SNTG1: variants seen among roughly 807,000 people sequenced by gnomAD.
The protein encoded by SNTG1 is syntrophin gamma 1.
A neutral mutation model predicts 74.7 loss-of-function variants in SNTG1; 39 were observed. The ratio of observed to expected loss-of-function variants is 0.52; its 90% CI spans 0.40 to 0.68. The LOEUF (loss-of-function observed/expected upper bound fraction) is 0.68. SNTG1 is among the 30% of genes least tolerant of loss of function. SNTG1 has a pLI of 0.00. For missense variants in SNTG1, 685 were observed against 609.5 expected, an observed-to-expected ratio of 1.12 and a Z score of -1.30; for synonymous variants, 254 against 217.1, an observed-to-expected ratio of 1.17 and a Z score of -1.49.
intron 1 of SNTG1, among the ~76,000 whole-genome samples, chr8:50,057,206 A>C (rs542736768): frequency 3.1e-4 from 47 of 152,218 alleles, no homozygotes; most frequent in Admixed American, 7.9e-4. Flanking sequence ...CTAGCCAGAG[A>C]AACAGTCAGT....
At chr8:50,504,830 T>C (rs2093992999) in intron 9 of SNTG1, among the ~76,000 whole-genome samples, 2 of 152,142 alleles carry the variant, frequency 1.3e-5, no homozygotes, top group South Asian at 4.1e-4. Flanking sequence ...AGTGAGCATG[T>C]TATTTATTGT....
chr8:50,579,416 A>C (rs2094595802), intron 12 of SNTG1, among the ~76,000 whole-genome samples: 1 of 152,242 alleles, frequency 6.6e-6, no homozygotes, highest in Non-Finnish European at 1.5e-5. Flanking sequence ...AGTAGGCTGC[A>C]GACATCAGCA....
At chr8:50,293,138 G>A (rs180735857) in intron 2 of SNTG1, among the ~76,000 whole-genome samples, 10,522 of 152,230 alleles carry the variant, frequency 0.069, 408 homozygotes, top group African/African-American at 0.085. Flanking sequence ...GTCTTGTCAC[G>A]TGATTGTCTG....
intron 1 of SNTG1, among the ~76,000 whole-genome samples, chr8:50,031,092 T>C (rs879189444): frequency 2.0e-5 from 3 of 152,100 alleles, no homozygotes; most frequent in Admixed American, 2.0e-4. Context: ...CTCATTGTAA[T>C]ATTATACTTT....
intron 4 of SNTG1, among the ~76,000 whole-genome samples, chr8:50,419,197 C>T (rs935340466): frequency 2.6e-5 from 4 of 151,014 alleles, no homozygotes; most frequent in Non-Finnish European, 4.4e-5. Flanking sequence ...ACCTTTCTTT[C>T]TAGAAAAAAA....
At chr8:50,529,028 T>G (rs906145335) in intron 9 of SNTG1, among the ~76,000 whole-genome samples, 9 of 152,030 alleles carry the variant, frequency 5.9e-5, no homozygotes, top group African/African-American at 2.2e-4. Context: ...GGTGTATGTA[T>G]TTAAACATTT....
chr8:50,579,993 G>T (rs2130812224), intron 12 of SNTG1, among the ~76,000 whole-genome samples: 1 of 152,302 alleles, frequency 6.6e-6, no homozygotes, highest in East Asian at 1.9e-4. Flanking sequence ...GCTGGGAAAA[G>T]GAACAGACAC....
chr8:50,673,576 G>C (rs1204471356), intron 15 of SNTG1, among the ~76,000 whole-genome samples: 1 of 152,034 alleles, frequency 6.6e-6, no homozygotes, highest in Non-Finnish European at 1.5e-5. Flanking sequence ...GAATTTTTTG[G>C]CTGGGATGAT....
chr8:50,045,327 G>A (rs912958075), intron 1 of SNTG1, among the ~76,000 whole-genome samples: 45 of 152,270 alleles, frequency 3.0e-4, no homozygotes, highest in African/African-American at 8.9e-4. Context: ...TACAATCATG[G>A]CAGAAAGTAG....
At chr8:50,324,243 A>G (rs950924413) in intron 2 of SNTG1, among the ~76,000 whole-genome samples, 15 of 152,148 alleles carry the variant, frequency 9.9e-5, no homozygotes, top group African/African-American at 3.6e-4. Context: ...CTGCTGTAGC[A>G]GGGCAGCACT....
At chr8:50,076,759 T>C (rs889123335) in intron 1 of SNTG1, among the ~76,000 whole-genome samples, 8 of 152,160 alleles carry the variant, frequency 5.3e-5, no homozygotes, top group Admixed American at 1.3e-4. Flanking sequence ...AAAATAACTT[T>C]GCAATAATCA....
intron 2 of SNTG1, among the ~76,000 whole-genome samples, chr8:50,331,305 G>T (rs1046453667): frequency 2.0e-5 from 3 of 152,136 alleles, no homozygotes; most frequent in African/African-American, 7.2e-5. Flanking sequence ...AGTGAAGTGT[G>T]TCTAGGACAT....
intron 2 of SNTG1, among the ~76,000 whole-genome samples, chr8:50,216,808 C>T (rs1197300607): frequency 6.6e-6 from 1 of 151,986 alleles, no homozygotes; most frequent in Non-Finnish European, 1.5e-5. Flanking sequence ...AAAAGTGTAA[C>T]TTAGTGAATG....
chr8:50,117,107 A>T (rs902843979), intron 1 of SNTG1, among the ~76,000 whole-genome samples: 1 of 152,002 alleles, frequency 6.6e-6, no homozygotes, highest in Non-Finnish European at 1.5e-5. Context: ...ATAATACTGG[A>T]ACTAACATAT....
chr8:50,565,242 G>A (rs1001689422), intron 12 of SNTG1, among the ~76,000 whole-genome samples: 4 of 151,906 alleles, frequency 2.6e-5, no homozygotes, highest in Non-Finnish European at 4.4e-5. Flanking sequence ...TTGAATAAAT[G>A]TGCATCAGTC....
intron 15 of SNTG1, among the ~76,000 whole-genome samples, chr8:50,661,717 A>G (rs1342020837): frequency 2.0e-5 from 3 of 151,998 alleles, no homozygotes; most frequent in South Asian, 4.1e-4. Flanking sequence ...CAACCTCCCA[A>G]CAGGCCCTGG....
Position 50,105,944 on chromosome 8 carries a change from G to A in SNTG1, c.-102-66617G>A, listed in dbSNP as rs185271346. On this transcript the variant is annotated intron_variant, in intron 1 of 18. Coordinates refer to ENST00000642720, the MANE Select transcript of SNTG1 (RefSeq NM_018967.5). ...GAAGCTTTTGGGTAATTACTGTGGGGTTTTCTAGGTATAGAATCATATCAT... is the reference window on the plus strand; with the variant it reads ...GAAGCTTTTGGGTAATTACTGTGGGATTTTCTAGGTATAGAATCATATCAT... Among the ~76,000 whole-genome samples the A allele has an allele frequency of 2.7e-3, 406 of 152,082 alleles. 5 individuals carry two copies. Among genetic ancestry groups the A allele is most frequent in the Non-Finnish European group, 2.3e-3 (155 of 67,960 alleles).
chr8:50,689,300 G>C (rs2095367040), intron 15 of SNTG1, among the ~76,000 whole-genome samples: 1 of 152,140 alleles, frequency 6.6e-6, no homozygotes, highest in African/African-American at 2.4e-5. Context: ...GAATAGGAGT[G>C]GTGAGAGAGT....
intron 1 of SNTG1, among the ~76,000 whole-genome samples, chr8:50,028,557 C>T (rs548814446): frequency 6.8e-6 from 1 of 147,812 alleles, no homozygotes; most frequent in Non-Finnish European, 1.5e-5. Context: ...CTGAATGCAC[C>T]GTTTTACTCC....
Sources: gnomAD v4.1 joint callset for allele counts (sites outside exome capture counted in the v4.1 genomes callset) on GRCh38, gnomAD v4.1.1 for gene constraint, MANE v1.5 for transcripts, NCBI Gene and HGNC (gene_info 2026-07-23, HGNC 2026-07-21) for gene names.